The following GRIN2A variants were observed in gnomAD, a reference collection of about 807,000 sequenced individuals.
The protein encoded by GRIN2A is glutamate ionotropic receptor NMDA type subunit 2A.
A neutral mutation model predicts 113.4 loss-of-function variants in GRIN2A; 22 were observed. The observed-to-expected ratio is 0.19, with a 90% CI of 0.14 to 0.28. GRIN2A has a LOEUF of 0.28. Among genes scored for constraint, GRIN2A ranks in the 10% least tolerant of loss-of-function variants. The pLI is 1.00. For missense variants in GRIN2A, 1,502 were observed against 1,887.0 expected, an observed-to-expected ratio of 0.80 and a Z score of 3.78; for synonymous variants, 827 against 738.4, an observed-to-expected ratio of 1.12 and a Z score of -1.94.
At chr16:10,084,733 A>C (rs1487059121) in intron 2 of GRIN2A, among the ~76,000 whole-genome samples, 1 of 89,522 alleles carries the variant, frequency 1.1e-5, no homozygotes, top group Admixed American at 1.2e-4. Flanking sequence ...TGTCTTAATC[A>C]CCACCTGACA....
At chr16:9,887,913 C>T (rs1029354950) in intron 4 of GRIN2A, among the ~76,000 whole-genome samples, 9 of 152,138 alleles carry the variant, frequency 5.9e-5, no homozygotes, top group African/African-American at 2.2e-4. Flanking sequence ...AAAAAATTAG[C>T]CTCTGTGGTG....
At chr16:9,890,759 C>A (rs1372162441) in intron 4 of GRIN2A, among the ~76,000 whole-genome samples, 1 of 152,180 alleles carries the variant, frequency 6.6e-6, no homozygotes, top group Non-Finnish European at 1.5e-5. Context: ...GATTTGAGAA[C>A]AGACATACAG....
intron 11 of GRIN2A, among the ~76,000 whole-genome samples, chr16:9,773,898 G>A (rs897307488): frequency 3.3e-5 from 5 of 152,212 alleles, no homozygotes; most frequent in African/African-American, 1.2e-4. Flanking sequence ...AAAAGACAGA[G>A]TAATAGAGTT....
At chr16:10,066,117 T>A (rs1379358181) in intron 2 of GRIN2A, among the ~76,000 whole-genome samples, 1 of 152,222 alleles carries the variant, frequency 6.6e-6, no homozygotes, top group African/African-American at 2.4e-5. Context: ...CTTCAGACTT[T>A]AGAAAGCAGA....
intron 11 of GRIN2A, among the ~76,000 whole-genome samples, chr16:9,778,071 A>G (rs1453698940): frequency 2.0e-5 from 3 of 152,200 alleles, no homozygotes; most frequent in South Asian, 4.1e-4. Flanking sequence ...CTCAAAAACA[A>G]CAACAACAAA....
chr16:10,058,773 C>T (rs1371554878), intron 2 of GRIN2A, among the ~76,000 whole-genome samples: 1 of 152,208 alleles, frequency 6.6e-6, no homozygotes, highest in Non-Finnish European at 1.5e-5. Context: ...CCCCCAAATT[C>T]TGAATGTTTC....
intron 2 of GRIN2A, among the ~76,000 whole-genome samples, chr16:10,085,456 T>A (rs1345359403): frequency 1.3e-5 from 2 of 152,226 alleles, no homozygotes; most frequent in East Asian, 3.9e-4. Flanking sequence ...AAGTATACTA[T>A]AATTTGGCCC....
At chr16:9,844,928 A>C (rs1057487750) in intron 5 of GRIN2A, among the ~76,000 whole-genome samples, 3 of 152,180 alleles carry the variant, frequency 2.0e-5, no homozygotes, top group Middle Eastern at 3.2e-3. Context: ...TATTCTTAGA[A>C]GATCCCACCA....
intron 11 of GRIN2A, among the ~76,000 whole-genome samples, chr16:9,771,358 G>C (rs993432179): frequency 1.3e-5 from 2 of 151,220 alleles, no homozygotes; most frequent in Non-Finnish European, 3.0e-5. Context: ...TTATTCTTTT[G>C]TTGGTAATAT....
At chr16:10,083,268 G>A (rs951031197) in intron 2 of GRIN2A, among the ~76,000 whole-genome samples, 9 of 152,204 alleles carry the variant, frequency 5.9e-5, no homozygotes, top group Non-Finnish European at 1.2e-4. Flanking sequence ...CAGTCCTTGC[G>A]TGATTTCTTC....
intron 2 of GRIN2A, chr16:10,112,782 A>G (rs2142152558): frequency 2.8e-6 from 2 of 702,100 alleles, no homozygotes; most frequent in East Asian, 5.7e-5. Context: ...GCATGGCTCC[A>G]TGATGTACTC....
At chr16:9,920,984 T>C (rs1713422776) in intron 3 of GRIN2A, among the ~76,000 whole-genome samples, 1 of 152,184 alleles carries the variant, frequency 6.6e-6, no homozygotes, top group South Asian at 2.1e-4. Context: ...GTAGAGTTAA[T>C]ATGTATGGGT....
At chr16:10,163,166 A>G (rs2049838729) in intron 2 of GRIN2A, among the ~76,000 whole-genome samples, 1 of 152,178 alleles carries the variant, frequency 6.6e-6, no homozygotes, top group Non-Finnish European at 1.5e-5. Context: ...GACAGGGAAC[A>G]TGGGAGTGGG....
chr16:10,055,091 AAGAAAGAAAG>A (rs2047431414), intron 2 of GRIN2A, among the ~76,000 whole-genome samples: 1 of 76,874 alleles, frequency 1.3e-5, no homozygotes, highest in Non-Finnish European at 2.4e-5. Flanking sequence ...AAAAAGAAAA[AAGAAAGAAAG>A]AAAGAAAAAA....
chr16:9,811,059 C>G (rs905864078), intron 10 of GRIN2A, among the ~76,000 whole-genome samples: 1 of 152,142 alleles, frequency 6.6e-6, no homozygotes, highest in South Asian at 2.1e-4. Flanking sequence ...TACATTAACA[C>G]CATGACCTTT....
chr16:9,927,703 G>A (rs2044495574), intron 3 of GRIN2A, among the ~76,000 whole-genome samples: 1 of 152,208 alleles, frequency 6.6e-6, no homozygotes, highest in African/African-American at 2.4e-5. Flanking sequence ...TACCCTTAGA[G>A]TACTTTCACG....
chr16:9,787,831 T>C (rs898120088), intron 11 of GRIN2A, among the ~76,000 whole-genome samples: 2 of 152,220 alleles, frequency 1.3e-5, no homozygotes, highest in African/African-American at 4.8e-5. Context: ...CCTCTATTTT[T>C]ACTTTGCATT....
chr16:10,147,000 C>G (rs1396394937), intron 2 of GRIN2A, among the ~76,000 whole-genome samples: 3 of 152,056 alleles, frequency 2.0e-5, no homozygotes, highest in South Asian at 2.1e-4. Context: ...TAAACTCAAC[C>G]CTGGAGACCT....
At chr16:9,767,846 C>A (rs1374712497) in intron 12 of GRIN2A, among the ~76,000 whole-genome samples, 2 of 152,140 alleles carry the variant, frequency 1.3e-5, no homozygotes, top group African/African-American at 4.8e-5. Context: ...ATTCCACATG[C>A]TCTTTGTGTT....
Sources: allele counts gnomAD v4.1 joint callset (sites outside exome capture counted in the v4.1 genomes callset), GRCh38; gene constraint gnomAD v4.1.1; transcripts MANE v1.5; gene names NCBI Gene and HGNC (gene_info 2026-07-23, HGNC 2026-07-21).